Variants in SESTD1 observed in about 807,000 individuals in gnomAD.
The protein encoded by SESTD1 is SEC14 and spectrin domain containing 1.
Under a neutral mutation model 101.7 loss-of-function variants are expected in SESTD1, and 43 were observed. The ratio of observed to expected loss-of-function variants is 0.42; its 90% CI spans 0.33 to 0.55. The LOEUF (loss-of-function observed/expected upper bound fraction) is 0.55, where lower values mean the gene tolerates loss of function less well. SESTD1 is among the 20% of genes least tolerant of loss of function. SESTD1 has a pLI of 0.07. For missense variants in SESTD1, 647 were observed against 815.1 expected (o/e 0.79, Z 2.51); for synonymous variants, 283 against 286.8 (o/e 0.99, Z 0.13).
rs534119096 is a variant in SESTD1 at position 179,161,020 on chromosome 2, T to C, written c.370-9629A>G. ...CTTGACTCTTCAGCTCAAGTGATCCTCCCTTCTCAGCCTTCCTAGTAACTA... is the reference window on the plus strand; with the variant it reads ...CTTGACTCTTCAGCTCAAGTGATCCCCCCTTCTCAGCCTTCCTAGTAACTA... On this transcript the variant is annotated intron_variant, in intron 5 of 17. Coordinates refer to ENST00000428443, the MANE Select transcript of SESTD1 (RefSeq NM_178123.5). Among the ~76,000 whole-genome samples, 6 of 151,160 alleles carry C rather than the reference T, an allele frequency of 4.0e-5. No homozygotes were observed. In the South Asian group the frequency reaches 1.3e-3, roughly 32 times the overall value.
intron 1 of SESTD1, among the ~76,000 whole-genome samples, chr2:179,196,212 T>C (rs900846092): frequency 1.9e-4 from 29 of 152,226 alleles, no homozygotes; most frequent in Non-Finnish European, 2.9e-4. Context: ...ACCTGGAAAA[T>C]TGGGTCACTC....
At chr2:179,149,236 A>C (rs1295651188) in intron 7 of SESTD1, 61 bp downstream of exon 7, 1 of 1,183,336 alleles carries the variant, frequency 8.5e-7, no homozygotes, top group Non-Finnish European at 1.2e-6. Context: ...CAATAGAGAT[A>C]TCTTTTATCA....
intron 1 of SESTD1, among the ~76,000 whole-genome samples, chr2:179,252,307 T>C (rs1389577671): frequency 6.6e-6 from 1 of 152,244 alleles, no homozygotes; most frequent in Non-Finnish European, 1.5e-5. Context: ...TATAAAGTAG[T>C]AGTGGCTTAC....
intron 10 of SESTD1, among the ~76,000 whole-genome samples, chr2:179,126,400 A>C (rs1193883118): frequency 1.3e-5 from 2 of 152,044 alleles, no homozygotes. Context: ...TTGTTTTCTG[A>C]GACACAACAG....
At chr2:179,137,556 G>A (rs770222314) in intron 9 of SESTD1, among the ~76,000 whole-genome samples, 3 of 152,166 alleles carry the variant, frequency 2.0e-5, no homozygotes, top group South Asian at 2.1e-4. Context: ...TAAATAATGA[G>A]CATAATGATA....
chr2:179,168,428 A>G (rs540477526), intron 5 of SESTD1, among the ~76,000 whole-genome samples: 24 of 152,340 alleles, frequency 1.6e-4, no homozygotes, highest in Non-Finnish European at 3.2e-4. Context: ...TAGAAAGTCA[A>G]AAGTAAGTTA....
In SESTD1 at chr2:179,264,051, G is replaced by C. The variant is rs555741856; in HGVS notation, c.-26+448C>G. The C allele has an allele frequency of 2.0e-5, 3 of 152,430 alleles. No homozygotes were observed. The East Asian group carries it at 5.8e-4, about 29-fold the overall frequency. The allele number at this position is 152,430 out of a possible 1,614,324, so 9.4% of individuals were successfully genotyped here. A position where few individuals can be genotyped will look rare whatever the true frequency, so the allele number is the denominator to read the frequency against. ...GACGCGGGACTCGCCCGAGAGCAGG[G>C]AGCCACATCTGGTTCCTGCACGCTG... On this transcript the variant is annotated intron_variant, in intron 1 of 17. Transcript: ENST00000428443.
Position 179,151,350 on chromosome 2 carries a change from T to C in SESTD1, c.411A>G (p.Glu137=). Residue 137 remains glutamate, a synonymous_variant, in exon 6 of 18, where the codon GAA becomes GAG. Coordinates refer to ENST00000428443, the MANE Select transcript of SESTD1 (RefSeq NM_178123.5). ...VSANKLTRYI[E]PCQLTEDFGG... ...CAAAATCTTCTGTTAATTGGCATGG[T>C]TCTATATAACGAGTCAATTTGTTGG... 6.2e-7 allele frequency: 1 copy of C among 1,607,396 alleles called. No homozygotes were observed. Among genetic ancestry groups the C allele is most frequent in the Non-Finnish European group, 8.5e-7 (1 of 1,177,196 alleles).
At chr2:179,110,826 CA>C (rs1275511934) in intron 17 of SESTD1, among the ~76,000 whole-genome samples, 1 of 152,036 alleles carries the variant, frequency 6.6e-6, no homozygotes, top group African/African-American at 2.4e-5. Context: ...TTTAATTCAG[CA>C]AAATACCTAA....
rs181977323 is a variant in SESTD1 at position 179,102,138 on chromosome 2, G to A, written c.*7761C>T. On this transcript the variant is annotated 3_prime_UTR_variant, in exon 18 of 18. Transcript: ENST00000428443. ...TGGAAATTTCACCACTGTCTATTATGGTGAGAACCTATTTCTGACAACATG... is the reference window on the plus strand; with the variant it reads ...TGGAAATTTCACCACTGTCTATTATAGTGAGAACCTATTTCTGACAACATG... The A allele has an allele frequency of 1.8e-4, 27 of 152,178 alleles. No individual in the cohort carries two copies. The highest frequency in any genetic ancestry group is 6.0e-4 in the African/African-American group (25 of 41,528). The allele number at this position is 152,178 out of a possible 1,614,324, so 9.4% of individuals were successfully genotyped here.
intron 1 of SESTD1, among the ~76,000 whole-genome samples, chr2:179,225,065 A>T (rs563620974): frequency 4.2e-4 from 64 of 152,308 alleles, no homozygotes; most frequent in African/African-American, 1.5e-3. Context: ...GTAGAAGGGT[A>T]GTCTTGTGGG....
At position 179,196,448 on chromosome 2, in the gene SESTD1, G is replaced by A. The variant is rs570031880; in HGVS notation, c.-25-4582C>T. Reference sequence around the variant, plus strand: ...AGCCAGGAAGCTCAAACTGGGTGGAGCCCACCACAGCTAAAGGAGGCCTGC... The same window carrying A: ...AGCCAGGAAGCTCAAACTGGGTGGAACCCACCACAGCTAAAGGAGGCCTGC... On this transcript the variant is annotated intron_variant, in intron 1 of 17. Transcript: ENST00000428443. Among the ~76,000 whole-genome samples, 784 of 152,336 alleles carry A rather than the reference G, an allele frequency of 5.1e-3. 4 individuals carry two copies. The highest frequency in any genetic ancestry group is 7.8e-3 in the Non-Finnish European group (528 of 68,020).
intron 3 of SESTD1, 95 bp from the exon 4 acceptor site, chr2:179,176,633 G>T: frequency 1.2e-6 from 1 of 865,470 alleles, no homozygotes. Context: ...AATCGCATAT[G>T]GAGTAGAATT....
chr2:179,191,835 C>T lies in SESTD1; in HGVS notation c.7G>A (p.Ala3Thr). The change falls in exon 2 of 18, where the codon GCC (alanine) becomes ACC (threonine). Residue 3 changes from alanine to threonine, a missense_variant. Coordinates refer to ENST00000428443, the MANE Select transcript of SESTD1 (RefSeq NM_178123.5). Reference sequence around the variant, plus strand: ...TTCAGAATGGGTAATATTACTGAGGCCTCCATTTTACTCCAGTGAACTTCC... The same window carrying T: ...TTCAGAATGGGTAATATTACTGAGGTCTCCATTTTACTCCAGTGAACTTCC... ME[A>T]SVILPILKKK... is the part of the protein sequence containing the mutation. 6.2e-7 allele frequency: 1 copy of T among 1,611,982 alleles called. No individual in the cohort carries two copies. The highest frequency in any genetic ancestry group is 8.5e-7 in the Non-Finnish European group (1 of 1,178,888).
intron 1 of SESTD1, among the ~76,000 whole-genome samples, chr2:179,226,415 TGTTA>T (rs1231811269): frequency 6.6e-6 from 1 of 152,230 alleles, no homozygotes; most frequent in Non-Finnish European, 1.5e-5. Context: ...TTCCTTGTCT[TGTTA>T]GGCCTTTCTC....
intron 1 of SESTD1, among the ~76,000 whole-genome samples, chr2:179,222,233 G>C (rs1285466163): frequency 6.6e-6 from 1 of 152,044 alleles, no homozygotes; most frequent in African/African-American, 2.4e-5. Flanking sequence ...AAAGTTTAGT[G>C]CAGTGGCAAA....
chr2:179,258,319 A>G (rs1039240106), intron 1 of SESTD1, among the ~76,000 whole-genome samples: 1 of 152,210 alleles, frequency 6.6e-6, no homozygotes, highest in Non-Finnish European at 1.5e-5. Context: ...CTAAACTATT[A>G]CTGAATCACA....
intron 10 of SESTD1, among the ~76,000 whole-genome samples, chr2:179,127,996 A>G (rs2044916075): frequency 6.6e-6 from 1 of 152,224 alleles, no homozygotes; most frequent in African/African-American, 2.4e-5. Context: ...GATTCTGAGA[A>G]AAGCAGTGAA....
At chr2:179,160,009 C>T (rs1168233139) in intron 5 of SESTD1, among the ~76,000 whole-genome samples, 1 of 152,140 alleles carries the variant, frequency 6.6e-6, no homozygotes, top group Non-Finnish European at 1.5e-5. Context: ...TGCCCACCAT[C>T]ACGCCCAACT....
Sources: gnomAD v4.1 joint callset for allele counts (sites outside exome capture counted in the v4.1 genomes callset) on GRCh38, gnomAD v4.1.1 for gene constraint, MANE v1.5 for transcripts, NCBI Gene and HGNC (gene_info 2026-07-23, HGNC 2026-07-21) for gene names.